TMEM183A: variants seen among roughly 807,000 people sequenced by gnomAD.
TMEM183A encodes transmembrane protein 183A.
In TMEM183A, 21 loss-of-function variants were observed where a neutral mutation model predicts 46.7. The observed-to-expected ratio is 0.45, with a 90% CI of 0.32 to 0.65. The LOEUF is 0.65. Among genes scored for constraint, TMEM183A ranks in the 30% least tolerant of loss-of-function variants. The pLI, the probability that TMEM183A is intolerant of heterozygous loss-of-function variation, is 0.04. For synonymous variants in TMEM183A, 165 were observed against 180.2 expected (o/e 0.92, Z 0.68); for missense variants, 331 against 481.9 (o/e 0.69, Z 2.93).
rs1052859499 is a variant in TMEM183A at position 203,017,785 on chromosome 1, G to A, written c.709-696G>A. 1.3e-5 allele frequency: 13 copies of A among 985,812 alleles called. No individual in the cohort carries two copies. In the African/African-American group the frequency reaches 1.9e-4, roughly 15 times the overall value. The allele number at this position is 985,812 out of a possible 1,614,324, so 61.1% of individuals were successfully genotyped here. ...ATAGCTTGTGTGGGACACTGGAGCC[G>A]TTGTGATGGCAGCAGAAGTGTTTTC... On this transcript the variant is annotated intron_variant, in intron 5 of 7. Transcript: ENST00000367242.
chr1:203,023,150 C>G lies in TMEM183A; in HGVS notation c.*110C>G. 1.8e-6 allele frequency: 1 copy of G among 568,770 alleles called. No homozygotes were observed. The highest frequency in any genetic ancestry group is 3.0e-5 in the South Asian group (1 of 33,778). 35.2% of individuals were successfully genotyped at this position (568,770 alleles called of 1,614,324 possible). ...ATATCTCGTTAGTAATGTACATGCTCTTCAGGTTCTAGGGCTCCTGTTAGG... is the reference window on the plus strand; with the variant it reads ...ATATCTCGTTAGTAATGTACATGCTGTTCAGGTTCTAGGGCTCCTGTTAGG... On this transcript the variant is annotated 3_prime_UTR_variant, in exon 8 of 8. Transcript: ENST00000367242.
At chr1:203,018,444 C>T (rs372124991) in intron 5 of TMEM183A, 37 bp from the exon 6 acceptor site, 5 of 1,568,312 alleles carry the variant, frequency 3.2e-6, no homozygotes, top group African/African-American at 1.5e-5. Flanking sequence ...TTTTCTTTTT[C>T]TTTTTCTTGG....
At chr1:203,016,420 T>C (rs1309729793) in intron 5 of TMEM183A, among the ~76,000 whole-genome samples, 1 of 152,216 alleles carries the variant, frequency 6.6e-6, no homozygotes, top group African/African-American at 2.4e-5. Context: ...ACTCTAGATA[T>C]AATGGTTTTG....
chr1:203,021,233 C>T (rs895092546), intron 7 of TMEM183A, among the ~76,000 whole-genome samples: 1 of 152,006 alleles, frequency 6.6e-6, no homozygotes, highest in Admixed American at 6.6e-5. Context: ...TGTCTCACAG[C>T]GTTGCTGAGG....
chr1:203,015,940 A>G lies in TMEM183A; in HGVS notation c.528-20A>G. ...GAGAGACAGGTCACATATTGGTAGG[A>G]GTAATGTGTCATGTTTCAGGCACTA... On this transcript the variant is annotated intron_variant, in intron 4 of 7. Transcript: ENST00000367242. The G allele has an allele frequency of 6.2e-7, 1 of 1,610,906 alleles. No individual in the cohort carries two copies. Among genetic ancestry groups the G allele is most frequent in the Non-Finnish European group, 8.5e-7 (1 of 1,178,008 alleles).
In TMEM183A at chr1:203,013,670, C is replaced by T. The variant is rs528199149; in HGVS notation, c.368-1219C>T. 4.5e-4 allele frequency among the ~76,000 whole-genome samples: 69 copies of T among 152,232 alleles called. No individual in the cohort carries two copies. Among genetic ancestry groups the T allele is most frequent in the Admixed American group, 1.2e-3 (19 of 15,290 alleles). ...GGAACTACAGGCAGCTGCCACCACG[C>T]CCGGCTAATTTTTTTGTATTTTTTA... On this transcript the variant is annotated intron_variant, in intron 3 of 7. Transcript: ENST00000367242. This position sits in a 1 kb window ranked among gnomAD's most constrained non-coding sequence, Gnocchi z 4.0.
intron 3 of TMEM183A, among the ~76,000 whole-genome samples, chr1:203,014,519 C>G (rs1275617353): frequency 6.6e-6 from 1 of 152,098 alleles, no homozygotes; most frequent in Non-Finnish European, 1.5e-5. Context: ...ATGAGAATTG[C>G]TTGAAACCAG....
intron 7 of TMEM183A, among the ~76,000 whole-genome samples, chr1:203,021,270 A>G (rs1321018230): frequency 6.6e-6 from 1 of 152,134 alleles, no homozygotes; most frequent in African/African-American, 2.4e-5. Flanking sequence ...AGCCTCAAGC[A>G]GTTCTTCCAC....
intron 3 of TMEM183A, 76 bp from the exon 4 acceptor site, chr1:203,014,813 C>G: frequency 6.4e-7 from 1 of 1,564,258 alleles, no homozygotes; most frequent in Non-Finnish European, 8.7e-7. Flanking sequence ...GCAATCAATC[C>G]TTGGGAGAAA....
chr1:203,018,554 A>G lies in TMEM183A; in HGVS notation c.782A>G (p.Lys261Arg). 3 of 1,613,758 alleles carry G rather than the reference A, an allele frequency of 1.9e-6. No homozygotes were observed. The highest frequency in any genetic ancestry group is 2.5e-6 in the Non-Finnish European group (3 of 1,179,970). The change falls in exon 6 of 8, where the codon AAA becomes AGA. Residue 261 changes from lysine to arginine, a missense_variant. Lys to Arg is a conservative substitution (Grantham distance 26). Around this residue, in one of 2 missense-constraint regions of TMEM183A, gnomAD observed 233 missense variants for 385.8 expected, o/e 0.60. Coordinates refer to ENST00000367242, the MANE Select transcript of TMEM183A (RefSeq NM_138391.6). ...EPMWEFNFKF[K>R]KQSPRLKSKC... ...ATGTGGGAATTCAACTTCAAGTTCA[A>G]AAAACAGGTACGTGGTCTTCTCTTT...
In TMEM183A at chr1:203,007,547, C is replaced by T; in HGVS notation, c.82C>T (p.Arg28Trp). ...CAAGAGAGGAAAGCGACTCAAGTTC[C>T]GGGCCCACGACGCCTGCTCCGGCCG... ...MPKRGKRLKF[R>W]AHDACSGRVT... Residue 28 changes from arginine (R) to tryptophan (W), a missense_variant, in exon 1 of 8, where the codon CGG (arginine) becomes TGG (tryptophan). Arg to Trp is a moderately radical substitution (Grantham distance 101). Coordinates refer to ENST00000367242, the MANE Select transcript of TMEM183A (RefSeq NM_138391.6). 6.5e-7 allele frequency: 1 copy of T among 1,548,266 alleles called. No individual in the cohort carries two copies. Among genetic ancestry groups the T allele is most frequent in the East Asian group, 2.4e-5 (1 of 42,176 alleles).
chr1:203,017,656 T>C (rs1164782626), intron 5 of TMEM183A: 2 of 820,524 alleles, frequency 2.4e-6, no homozygotes, highest in Non-Finnish European at 2.9e-6. Context: ...TACCCATGAT[T>C]GCGTGGCATT....
chr1:203,022,027 CAAAT>C (rs1421015823), intron 7 of TMEM183A, among the ~76,000 whole-genome samples: 5 of 152,112 alleles, frequency 3.3e-5, no homozygotes, highest in African/African-American at 1.2e-4. Context: ...CTCTCTCTCT[CAAAT>C]AATTTTGTAT....
chr1:203,016,500 A>G (rs1657182763), intron 5 of TMEM183A, among the ~76,000 whole-genome samples: 1 of 152,202 alleles, frequency 6.6e-6, no homozygotes, highest in Admixed American at 6.5e-5. Context: ...GGGGCTTTAA[A>G]TCACAGTACA....
chr1:203,021,460 G>T (rs965116125), intron 7 of TMEM183A, among the ~76,000 whole-genome samples: 1 of 152,190 alleles, frequency 6.6e-6, no homozygotes, highest in Non-Finnish European at 1.5e-5. Flanking sequence ...GATTTGTGGA[G>T]ACATTAATTA....
At position 203,013,668 on chromosome 1, in the gene TMEM183A, C is replaced by T. The variant is rs916714198; in HGVS notation, c.368-1221C>T. ...CTGGAACTACAGGCAGCTGCCACCA[C>T]GCCCGGCTAATTTTTTTGTATTTTT... On this transcript the variant is annotated intron_variant, in intron 3 of 7. Transcript: ENST00000367242. The surrounding 1 kb of genome is among the most constrained non-coding windows in gnomAD (Gnocchi z 4.0). Among the ~76,000 whole-genome samples the T allele has an allele frequency of 2.6e-5, 4 of 152,108 alleles. No individual in the cohort carries two copies. Among genetic ancestry groups the T allele is most frequent in the African/African-American group, 9.7e-5 (4 of 41,412 alleles).
chr1:203,014,956 C>G lies in TMEM183A; in HGVS notation c.435C>G (p.Ile145Met). ...TTTGGCTATTGCTGGCCTCCTATAT[C>G]CGTCCTGAGGACATTGTGAATTTTT... Reference protein sequence around the residue: ...MDIWLLLASYIRPEDIVNFSL... With the variant: ...MDIWLLLASYMRPEDIVNFSL... The change falls in exon 4 of 8, where the codon ATC (isoleucine) becomes ATG (methionine). Residue 145 changes from isoleucine (I) to methionine (M), a missense_variant. Ile to Met is a conservative substitution (Grantham distance 10, BLOSUM62 1). Transcript: ENST00000367242. The G allele has an allele frequency of 4.3e-6, 7 of 1,613,936 alleles. No homozygotes were observed. The highest frequency in any genetic ancestry group is 5.9e-6 in the Non-Finnish European group (7 of 1,179,874).
chr1:203,016,132 A>G lies in TMEM183A; in HGVS notation c.700A>G (p.Asn234Asp). The change falls in exon 5 of 8, where the codon AAT becomes GAT. Residue 234 changes from asparagine to aspartate, a missense_variant. This residue lies in a region of TMEM183A where 233 missense variants were observed against 385.8 expected (regional missense o/e 0.60). Coordinates refer to ENST00000367242, the MANE Select transcript of TMEM183A (RefSeq NM_138391.6). The part of the protein sequence containing the change: ...IPESTPSTLK[N>D]SKCLLFWCRK... ...AGAAAGCACCCCCAGCACATTAAAG[A>G]ATTCCAAAGTAAGTGAGAATTTGTG... 6.2e-7 allele frequency: 1 copy of G among 1,614,212 alleles called. No individual in the cohort carries two copies. Among genetic ancestry groups the G allele is most frequent in the Non-Finnish European group, 8.5e-7 (1 of 1,180,034 alleles).
chr1:203,010,477 C>T (rs758434437), intron 3 of TMEM183A, among the ~76,000 whole-genome samples: 95 of 152,080 alleles, frequency 6.2e-4, no homozygotes, highest in Middle Eastern at 3.4e-3. Flanking sequence ...TAGGGCTGCT[C>T]GACCAATAAG....
Sources: allele counts gnomAD v4.1 joint callset (sites outside exome capture counted in the v4.1 genomes callset), GRCh38; gene constraint gnomAD v4.1.1; regional missense constraint gnomAD v4.1.1; non-coding constraint Gnocchi (gnomAD v3.1); transcripts MANE v1.5; gene names NCBI Gene and HGNC (gene_info 2026-07-23, HGNC 2026-07-21).